Variants in RPSA2 observed in about 807,000 individuals in gnomAD.
The protein encoded by RPSA2 is ribosomal protein SA 2, also known as small ribosomal subunit protein uS2B.
the RPSA2 span, among the ~76,000 whole-genome samples, chr19:23,796,476 A>G: frequency 6.6e-6 from 1 of 151,004 alleles, no homozygotes; most frequent in Non-Finnish European, 1.5e-5. Context: ...CTGTTCTTAT[A>G]TAATAAGTTG....
the RPSA2 span, among the ~76,000 whole-genome samples, chr19:23,865,322 A>G: frequency 2.0e-5 from 3 of 152,344 alleles, no homozygotes; most frequent in African/African-American, 4.8e-5. Context: ...ATTCACAGAC[A>G]TTAGCTAAAC....
chr19:23,816,574 C>T, the RPSA2 span, among the ~76,000 whole-genome samples: 1 of 151,994 alleles, frequency 6.6e-6, no homozygotes, highest in Admixed American at 6.6e-5. Context: ...TGATGTGCTT[C>T]AATTATTTTT....
At chr19:23,779,589 T>C in the RPSA2 span, among the ~76,000 whole-genome samples, 1 of 152,192 alleles carries the variant, frequency 6.6e-6, no homozygotes, top group Admixed American at 6.5e-5. Flanking sequence ...AAGGAAAGAT[T>C]GTGACTTATT....
the RPSA2 span, chr19:23,832,933 A>G: frequency 6.6e-7 from 1 of 1,518,364 alleles, no homozygotes; most frequent in African/African-American, 1.4e-5. Context: ...TTCAAGCTTT[A>G]CTAAACATAA....
At chr19:23,856,402 C>A in the RPSA2 span, among the ~76,000 whole-genome samples, 4 of 152,016 alleles carry the variant, frequency 2.6e-5, no homozygotes, top group Non-Finnish European at 5.9e-5. Context: ...CACTCAAACT[C>A]CTCCCTGTTT....
chr19:23,773,485 T>C, the RPSA2 span, among the ~76,000 whole-genome samples: 1 of 152,192 alleles, frequency 6.6e-6, no homozygotes, highest in African/African-American at 2.4e-5. Context: ...AGTTTCACCA[T>C]GTTCACCAGG....
At chr19:23,868,268 C>T in the RPSA2 span, among the ~76,000 whole-genome samples, 1 of 152,158 alleles carries the variant, frequency 6.6e-6, no homozygotes, top group Non-Finnish European at 1.5e-5. Flanking sequence ...CTTCTCTGTG[C>T]CTTCTATTAA....
the RPSA2 span, among the ~76,000 whole-genome samples, chr19:23,805,305 C>G: frequency 7.2e-5 from 11 of 152,210 alleles, no homozygotes; most frequent in Admixed American, 2.6e-4. Context: ...GCTGGGATTA[C>G]AGGCATGTGC....
At chr19:23,847,962 C>A in the RPSA2 span, among the ~76,000 whole-genome samples, 1 of 152,238 alleles carries the variant, frequency 6.6e-6, no homozygotes, top group Admixed American at 6.5e-5. Context: ...CGCAGGCAGT[C>A]AGACCTTATG....
the RPSA2 span, among the ~76,000 whole-genome samples, chr19:23,759,818 G>A: frequency 1.3e-5 from 2 of 151,930 alleles, no homozygotes; most frequent in Non-Finnish European, 1.5e-5. Flanking sequence ...CACCGCGCCC[G>A]GCCTATATAT....
chr19:23,773,704 T>C, the RPSA2 span, among the ~76,000 whole-genome samples: 1 of 152,168 alleles, frequency 6.6e-6, no homozygotes, highest in Non-Finnish European at 1.5e-5. Flanking sequence ...GGTGGAAAAA[T>C]TGACTCTCAT....
the RPSA2 span, chr19:23,790,774 G>T: frequency 2.0e-6 from 1 of 510,860 alleles, no homozygotes; most frequent in Non-Finnish European, 3.6e-6. Flanking sequence ...GCCTAGAAAT[G>T]GTGAGATTGC....
chr19:23,760,135 A>G, the RPSA2 span, among the ~76,000 whole-genome samples: 1 of 152,268 alleles, frequency 6.6e-6, no homozygotes, highest in East Asian at 1.9e-4. Flanking sequence ...AATGGTTAAC[A>G]AAGTGTGGAG....
chr19:23,782,912 C>T, the RPSA2 span, among the ~76,000 whole-genome samples: 2 of 152,034 alleles, frequency 1.3e-5, no homozygotes, highest in Admixed American at 1.3e-4. Context: ...TTTGCCTAGG[C>T]CATCCCCTCA....
At chr19:23,854,967 G>A in the RPSA2 span, among the ~76,000 whole-genome samples, 2 of 152,194 alleles carry the variant, frequency 1.3e-5, no homozygotes, top group Admixed American at 6.5e-5. Context: ...AGAATACCTT[G>A]AGCGTGCTCA....
At chr19:23,779,997 A>T in the RPSA2 span, among the ~76,000 whole-genome samples, 1 of 152,294 alleles carries the variant, frequency 6.6e-6, no homozygotes, top group East Asian at 1.9e-4. Flanking sequence ...CTCCTGCGTG[A>T]TTTCTGCCAA....
chr19:23,808,384 A>G, the RPSA2 span, among the ~76,000 whole-genome samples: 1 of 148,808 alleles, frequency 6.7e-6, no homozygotes, highest in African/African-American at 2.5e-5. Flanking sequence ...ATTCTGCCTC[A>G]GCCTACTAAG....
the RPSA2 span, among the ~76,000 whole-genome samples, chr19:23,828,944 C>CACACAT: frequency 3.3e-5 from 5 of 151,530 alleles, no homozygotes; most frequent in African/African-American, 1.2e-4. Flanking sequence ...GAGACACACA[C>CACACAT]ACACACACAC....
chr19:23,841,906 A>G, the RPSA2 span, among the ~76,000 whole-genome samples: 2 of 152,208 alleles, frequency 1.3e-5, no homozygotes, highest in African/African-American at 4.8e-5. Flanking sequence ...ACCACTGCAC[A>G]TCCATTTATC....
Sources: gnomAD v4.1 joint callset for allele counts (sites outside exome capture counted in the v4.1 genomes callset) on GRCh38, gnomAD v4.1.1 for gene constraint, MANE v1.5 for transcripts, NCBI Gene and HGNC (gene_info 2026-07-23, HGNC 2026-07-21) for gene names.